The following SOX5 variants were observed in gnomAD, a reference collection of about 807,000 sequenced individuals.
SOX5 encodes the protein SRY-box transcription factor 5.
Under a neutral mutation model 92.0 loss-of-function variants are expected in SOX5, and 9 were observed. The ratio of observed to expected loss-of-function variants is 0.10; its 90% CI spans 0.06 to 0.17. SOX5 has a LOEUF of 0.17. SOX5 is among the 10% of genes least tolerant of loss of function. The pLI, the probability that SOX5 is intolerant of heterozygous loss-of-function variation, is 1.00. For missense variants in SOX5, 642 were observed against 944.5 expected (o/e 0.68, Z 4.20); for synonymous variants, 344 against 336.3 (o/e 1.02, Z -0.25).
chr12:24,206,621 T>C (rs1958047142), intron 4 of SOX5, among the ~76,000 whole-genome samples: 1 of 151,786 alleles, frequency 6.6e-6, no homozygotes, highest in Non-Finnish European at 1.5e-5. Context: ...GATCCACTGG[T>C]GTACAGCTTC....
chr12:23,667,430 T>C (rs1032743085), intron 6 of SOX5, among the ~76,000 whole-genome samples: 1 of 152,184 alleles, frequency 6.6e-6, no homozygotes, highest in African/African-American at 2.4e-5. Flanking sequence ...GATCAGATTA[T>C]GAAAATGCAT....
At chr12:23,809,035 T>C (rs976026768) in intron 3 of SOX5, among the ~76,000 whole-genome samples, 2 of 152,302 alleles carry the variant, frequency 1.3e-5, no homozygotes, top group African/African-American at 2.4e-5. Context: ...ATTCATATGC[T>C]TTATTAGAGA....
chr12:24,552,002 A>G (rs1024558202), intron 1 of SOX5, among the ~76,000 whole-genome samples: 2 of 152,326 alleles, frequency 1.3e-5, no homozygotes, highest in South Asian at 4.1e-4. Context: ...TCTTCTGTCT[A>G]CTTAGTCTCC....
At chr12:23,913,201 T>A (rs1475923027) in intron 1 of SOX5, among the ~76,000 whole-genome samples, 2 of 152,190 alleles carry the variant, frequency 1.3e-5, no homozygotes, top group African/African-American at 2.4e-5. Flanking sequence ...AAAATTTTTT[T>A]ATGAAAGAAC....
chr12:23,756,704 T>C (rs1389997523), intron 3 of SOX5, among the ~76,000 whole-genome samples: 1 of 151,926 alleles, frequency 6.6e-6, no homozygotes, highest in African/African-American at 2.4e-5. Flanking sequence ...ATTATATAGA[T>C]CAAGGACATA....
At chr12:24,527,200 T>C (rs1455142971) in intron 1 of SOX5, among the ~76,000 whole-genome samples, 3 of 152,210 alleles carry the variant, frequency 2.0e-5, no homozygotes, top group Admixed American at 2.0e-4. Context: ...TATGAGTACC[T>C]AACCCATGGT....
At chr12:23,749,256 C>T (rs569292031) in intron 4 of SOX5, among the ~76,000 whole-genome samples, 20 of 151,892 alleles carry the variant, frequency 1.3e-4, no homozygotes, top group South Asian at 8.3e-4. Flanking sequence ...TATAGATACC[C>T]GTCAGAAGTT....
intron 4 of SOX5, among the ~76,000 whole-genome samples, chr12:24,036,703 C>T (rs1016861773): frequency 2.0e-5 from 3 of 152,114 alleles, no homozygotes; most frequent in African/African-American, 4.8e-5. Flanking sequence ...TGCATTTCTA[C>T]AAACTGTGGA....
intron 4 of SOX5, among the ~76,000 whole-genome samples, chr12:24,024,239 G>A (rs1954630840): frequency 6.6e-6 from 1 of 151,912 alleles, no homozygotes; most frequent in African/African-American, 2.4e-5. Context: ...TACTTTCCAG[G>A]ACAAACTTCT....
chr12:23,898,717 C>T (rs2097201780), intron 1 of SOX5, among the ~76,000 whole-genome samples: 2 of 152,190 alleles, frequency 1.3e-5, no homozygotes, highest in Non-Finnish European at 2.9e-5. Context: ...TAACACTGAA[C>T]GTGAAAGCGT....
rs780562400 is a variant in SOX5, at chr12:23,563,332, G to A, written c.1414C>T (p.Arg472Trp). 1.9e-5 allele frequency: 30 copies of A among 1,613,780 alleles called. No individual in the cohort carries two copies. The highest frequency in any genetic ancestry group is 2.3e-5 in the Non-Finnish European group (27 of 1,179,854). ...TTCCCATCAAGCACCTGTTGTTCCC[G>A]TCGGAGTTGCTCCTTCATTTGCCGA... ...EARQMKEQLR[R>W]EQQVLDGKVA... The change falls in exon 11 of 15, where the codon CGG (arginine) becomes TGG (tryptophan). Residue 472 changes from arginine to tryptophan, a missense_variant. By Grantham distance (101) the Arg-to-Trp change is moderately radical. This residue lies in a region of SOX5 where 324 missense variants were observed against 461.6 expected (regional missense o/e 0.70). Transcript: ENST00000451604.
intron 1 of SOX5, chr12:23,920,701 A>G (rs1208680499): frequency 2.6e-5 from 4 of 152,172 alleles, no homozygotes; most frequent in Admixed American, 6.5e-5. Flanking sequence ...TAAGTGGGAG[A>G]AAAGAAGTAT....
At chr12:23,870,581 C>T (rs981871090) in intron 2 of SOX5, among the ~76,000 whole-genome samples, 4 of 152,006 alleles carry the variant, frequency 2.6e-5, no homozygotes, top group Admixed American at 2.0e-4. Flanking sequence ...AATATAGATC[C>T]ACTTGTATGA....
In SOX5 at chr12:24,069,278, A is replaced by T. The variant is rs115872443; in HGVS notation, c.-2+144065T>A. Among the ~76,000 whole-genome samples, 544 of 152,334 alleles carry T rather than the reference A, an allele frequency of 3.6e-3. 5 individuals carry two copies. The highest frequency in any genetic ancestry group is 0.013 in the African/African-American group (528 of 41,570). On this transcript the variant is annotated intron_variant, in intron 4 of 4. Coordinates refer to the SOX5 transcript ENST00000446891. The stretch of plus-strand genomic sequence containing the variant: ...TATTTAGAAGCTCTACCTCAGAAAT[A>T]GGTATGCATCTTTTTCTCCACACCT...
chr12:24,071,400 A>G (rs1472471073), intron 4 of SOX5, among the ~76,000 whole-genome samples: 1 of 152,148 alleles, frequency 6.6e-6, no homozygotes, highest in African/African-American at 2.4e-5. Flanking sequence ...CCCACATTTA[A>G]ACAAGTGGAA....
intron 3 of SOX5, among the ~76,000 whole-genome samples, chr12:24,258,794 T>C (rs566753327): frequency 2.0e-5 from 3 of 152,378 alleles, no homozygotes; most frequent in South Asian, 2.1e-4. Flanking sequence ...ATGTACTCTA[T>C]GTACTTTATA....
chr12:24,263,659 C>T (rs1381027778), intron 3 of SOX5, among the ~76,000 whole-genome samples: 1 of 151,326 alleles, frequency 6.6e-6, no homozygotes, highest in Admixed American at 6.6e-5. Flanking sequence ...CTAAGCATAT[C>T]GTTAAAATAA....
At chr12:24,194,470 T>C (rs911332916) in intron 4 of SOX5, among the ~76,000 whole-genome samples, 4 of 152,142 alleles carry the variant, frequency 2.6e-5, no homozygotes, top group African/African-American at 9.7e-5. Flanking sequence ...GATATGTGTG[T>C]GTGTAAAAAC....
chr12:24,282,814 C>T (rs1210346835), intron 2 of SOX5, among the ~76,000 whole-genome samples: 4 of 152,178 alleles, frequency 2.6e-5, no homozygotes, highest in Admixed American at 6.5e-5. Flanking sequence ...GAAGCCAGCA[C>T]CTGCAAGCAT....
Sources: allele counts gnomAD v4.1 joint callset (sites outside exome capture counted in the v4.1 genomes callset), GRCh38; gene constraint gnomAD v4.1.1; regional missense constraint gnomAD v4.1.1; transcripts MANE v1.5; gene names NCBI Gene and HGNC (gene_info 2026-07-23, HGNC 2026-07-21).